Variants in KLHL18 observed in about 807,000 individuals in gnomAD.
The protein encoded by KLHL18 is kelch-like protein 18.
In KLHL18, 38 loss-of-function variants were observed where a neutral mutation model predicts 58.5. The ratio of observed to expected loss-of-function variants is 0.65; its 90% CI spans 0.50 to 0.85. KLHL18 has a LOEUF of 0.85. Among genes scored for constraint, KLHL18 ranks in the 40% least tolerant of loss-of-function variants. KLHL18 has a pLI of 0.00. For synonymous variants in KLHL18, 303 were observed against 301.9 expected, an observed-to-expected ratio of 1.00 and a Z score of -0.04; for missense variants, 624 against 778.4, an observed-to-expected ratio of 0.80 and a Z score of 2.36.
rs116064271 is a variant in KLHL18 at position 47,299,544 on chromosome 3, G to A, written c.129+16450G>A. On this transcript the variant is annotated intron_variant, in intron 1 of 9. Transcript: ENST00000232766. ...GTTCTTCCTCAAGATTGCAAAATAG[G>A]CTGGGCGCAGTGGCTCACTCCTATG... Among the ~76,000 whole-genome samples the A allele has an allele frequency of 6.9e-3, 1,039 of 151,460 alleles. 12 individuals carry two copies. Among genetic ancestry groups the A allele is most frequent in the African/African-American group, 0.024 (980 of 41,224 alleles).
chr3:47,325,020 G>C (rs1703681686), intron 3 of KLHL18, among the ~76,000 whole-genome samples: 1 of 152,058 alleles, frequency 6.6e-6, no homozygotes. Flanking sequence ...TCCTGCCACA[G>C]ACTCCAGAGC....
chr3:47,302,159 C>A (rs756298554), intron 1 of KLHL18, among the ~76,000 whole-genome samples: 1 of 152,052 alleles, frequency 6.6e-6, no homozygotes, highest in African/African-American at 2.4e-5. Context: ...TGTATTCTTA[C>A]GATAAAGGAA....
At chr3:47,300,323 G>GTA (rs1254198992) in intron 1 of KLHL18, among the ~76,000 whole-genome samples, 1 of 134,684 alleles carries the variant, frequency 7.4e-6, no homozygotes, top group Non-Finnish European at 1.6e-5. Context: ...GTGTATATAT[G>GTA]TATATGTATA....
chr3:47,346,740 C>G lies in KLHL18; in HGVS notation c.*2799C>G, dbSNP rs1704232609. 1 of 152,642 alleles carries G rather than the reference C, an allele frequency of 6.6e-6. No homozygotes were observed. The highest frequency in any genetic ancestry group is 2.1e-4 in the South Asian group (1 of 4,834). 9.5% of individuals were successfully genotyped at this position (152,642 alleles called of 1,614,324 possible). A position where few individuals can be genotyped will look rare whatever the true frequency, so the allele number is the denominator to read the frequency against. On this transcript the variant is annotated 3_prime_UTR_variant, in exon 10 of 10. Coordinates refer to ENST00000232766, the MANE Select transcript of KLHL18 (RefSeq NM_025010.5). ...CCCAATTTATGGTTTCCCAGAAAAT[C>G]TTAGTTCCTTTTATTTATAGAATGC...
intron 9 of KLHL18, 38 bp from the exon 10 acceptor site, chr3:47,343,517 C>T (rs745820455): frequency 1.4e-5 from 23 of 1,610,712 alleles, no homozygotes; most frequent in Admixed American, 1.7e-5. Flanking sequence ...AGCTTTGCCT[C>T]TGACTGTCCT....
intron 1 of KLHL18, among the ~76,000 whole-genome samples, chr3:47,310,717 C>T (rs921750978): frequency 2.6e-5 from 4 of 152,214 alleles, no homozygotes; most frequent in African/African-American, 9.6e-5. Flanking sequence ...CATGCCAGAT[C>T]GCACCAGTAA....
chr3:47,307,020 C>T (rs1380084606), intron 1 of KLHL18, among the ~76,000 whole-genome samples: 4 of 151,878 alleles, frequency 2.6e-5, no homozygotes, highest in Non-Finnish European at 5.9e-5. Flanking sequence ...TTTATGTACT[C>T]TGGATACTAA....
chr3:47,335,206 C>T (rs547222624), intron 6 of KLHL18, among the ~76,000 whole-genome samples: 7 of 152,098 alleles, frequency 4.6e-5, no homozygotes, highest in South Asian at 4.1e-4. Context: ...CCTTCAGCCC[C>T]GGATAGGATA....
intron 1 of KLHL18, among the ~76,000 whole-genome samples, chr3:47,284,337 CTTTT>C (rs767276527): frequency 1.7e-4 from 22 of 127,142 alleles, no homozygotes; most frequent in African/African-American, 4.3e-4. Flanking sequence ...TTTCTTTTTT[CTTTT>C]TTTTTTTTTT....
In KLHL18 at chr3:47,284,422, C is replaced by G. The variant is rs575260126; in HGVS notation, c.129+1328C>G. On this transcript the variant is annotated intron_variant, in intron 1 of 9. Coordinates refer to ENST00000232766, the MANE Select transcript of KLHL18 (RefSeq NM_025010.5). ...CGCTATCTTGGCTCACTGAAACTCTCTCTCCTGGGTTCAAGCGATTCTCCT... is the reference window on the plus strand; with the variant it reads ...CGCTATCTTGGCTCACTGAAACTCTGTCTCCTGGGTTCAAGCGATTCTCCT... 1.0e-4 allele frequency among the ~76,000 whole-genome samples: 15 copies of G among 146,248 alleles called. No homozygotes were observed. The East Asian group carries it at 3.0e-3, about 30-fold the overall frequency.
At chr3:47,283,703 G>A (rs1702554635) in intron 1 of KLHL18, among the ~76,000 whole-genome samples, 1 of 152,210 alleles carries the variant, frequency 6.6e-6, no homozygotes, top group South Asian at 2.1e-4. Context: ...CGTGGGGAGA[G>A]GGATGCTGAC....
In KLHL18 at chr3:47,283,086, A is replaced by G; in HGVS notation, c.121A>G (p.Thr41Ala). The G allele has an allele frequency of 6.3e-7, 1 of 1,580,360 alleles. No individual in the cohort carries two copies. Among genetic ancestry groups the G allele is most frequent in the Non-Finnish European group, 8.6e-7 (1 of 1,163,750 alleles). The change falls in exon 1 of 10, where the codon ACC (threonine) becomes GCC (alanine). Residue 41 changes from threonine (T) to alanine (A), a missense_variant. By Grantham distance (58) the Thr-to-Ala change is moderately conservative. Coordinates refer to ENST00000232766, the MANE Select transcript of KLHL18 (RefSeq NM_025010.5). Reference sequence around the variant, plus strand: ...GCGGCAGGGCAAGCTGTGCGACGTGACCCTCAAGGTACCGCGGACTGGGCG... The same window carrying G: ...GCGGCAGGGCAAGCTGTGCGACGTGGCCCTCAAGGTACCGCGGACTGGGCG... ...IRRQGKLCDVTLKIGDHKFSA... is the reference protein window; with the variant it reads ...IRRQGKLCDVALKIGDHKFSA...
chr3:47,283,548 C>T (rs1000963051), intron 1 of KLHL18: 1 of 160,516 alleles, frequency 6.2e-6, no homozygotes, highest in Non-Finnish European at 1.4e-5. Context: ...GGAATCATTG[C>T]CCTTAATTGT....
chr3:47,282,954 C>T lies in KLHL18; in HGVS notation c.-12C>T, dbSNP rs761800923. On this transcript the variant is annotated 5_prime_UTR_variant, in exon 1 of 10. Transcript: ENST00000232766. ...GCCGGCGAGGCCTGCGCAGTTGCAG[C>T]GGCCGGGGAAGATGGTGGAGGACGG... 5 of 1,605,992 alleles carry T rather than the reference C, an allele frequency of 3.1e-6. No homozygotes were observed. Among genetic ancestry groups the T allele is most frequent in the South Asian group, 1.1e-5 (1 of 89,732 alleles).
At chr3:47,292,888 C>G (rs1180271298) in intron 1 of KLHL18, among the ~76,000 whole-genome samples, 1 of 134,574 alleles carries the variant, frequency 7.4e-6, no homozygotes, top group African/African-American at 2.8e-5. Context: ...GCCTGGGCAA[C>G]AGCGAGACCC....
intron 1 of KLHL18, among the ~76,000 whole-genome samples, chr3:47,286,061 G>A (rs1316407396): frequency 6.6e-6 from 1 of 151,746 alleles, no homozygotes; most frequent in Non-Finnish European, 1.5e-5. Context: ...AAAAGAATCA[G>A]ACGTAGTTTC....
intron 1 of KLHL18, among the ~76,000 whole-genome samples, chr3:47,297,957 G>C (rs561553385): frequency 6.6e-6 from 1 of 152,246 alleles, no homozygotes; most frequent in African/African-American, 2.4e-5. Flanking sequence ...GAACATTTCA[G>C]CTTAATCTTC....
intron 1 of KLHL18, among the ~76,000 whole-genome samples, chr3:47,311,286 A>G (rs966459415): frequency 2.0e-5 from 3 of 152,128 alleles, no homozygotes; most frequent in Non-Finnish European, 4.4e-5. Context: ...TGAGTGTCCC[A>G]TCTATTTAGT....
At chr3:47,306,919 T>C (rs1703160048) in intron 1 of KLHL18, among the ~76,000 whole-genome samples, 1 of 152,232 alleles carries the variant, frequency 6.6e-6, no homozygotes, top group South Asian at 2.1e-4. Context: ...TAGACCATTC[T>C]GTTTCATTAT....
Sources: allele counts gnomAD v4.1 joint callset (sites outside exome capture counted in the v4.1 genomes callset), GRCh38; gene constraint gnomAD v4.1.1; transcripts MANE v1.5; gene names NCBI Gene and HGNC (gene_info 2026-07-23, HGNC 2026-07-21).